The following BCKDHB variants were observed in gnomAD, a reference collection of about 807,000 sequenced individuals.
BCKDHB encodes the protein branched chain keto acid dehydrogenase E1 subunit beta, also known as 2-oxoisovalerate dehydrogenase subunit beta, mitochondrial.
Under a neutral mutation model 48.5 loss-of-function variants are expected in BCKDHB, and 41 were observed. The ratio of observed to expected loss-of-function variants is 0.85; its 90% CI spans 0.66 to 1.10. The LOEUF (loss-of-function observed/expected upper bound fraction) is 1.10. BCKDHB is among the 50% of genes least tolerant of loss of function. The pLI is 0.00. For missense variants in BCKDHB, 496 were observed against 494.2 expected (o/e 1.00, Z -0.03); for synonymous variants, 201 against 174.8 (o/e 1.15, Z -1.18).
intron 8 of BCKDHB, among the ~76,000 whole-genome samples, chr6:80,269,382 A>G (rs935306628): frequency 5.9e-5 from 9 of 152,148 alleles, no homozygotes; most frequent in Admixed American, 3.9e-4. Flanking sequence ...CGAGCCTTTC[A>G]GGACTGTTTT....
intron 9 of BCKDHB, among the ~76,000 whole-genome samples, chr6:80,317,825 C>T (rs1768526954): frequency 6.6e-6 from 1 of 152,192 alleles, no homozygotes; most frequent in Non-Finnish European, 1.5e-5. Context: ...AGGATATAGT[C>T]ATTTTAAAAA....
intron 8 of BCKDHB, among the ~76,000 whole-genome samples, chr6:80,263,517 C>G (rs1018409052): frequency 9.9e-5 from 15 of 151,226 alleles, no homozygotes; most frequent in Middle Eastern, 6.8e-3. Flanking sequence ...TGAGTCATAC[C>G]CAAAAACCCA....
chr6:80,117,962 A>C (rs900309053), intron 1 of BCKDHB, among the ~76,000 whole-genome samples: 1 of 152,076 alleles, frequency 6.6e-6, no homozygotes. Flanking sequence ...GTGTCAGTAC[A>C]TTTTTATTCT....
chr6:80,262,056 T>C (rs1777329960), intron 8 of BCKDHB, among the ~76,000 whole-genome samples: 1 of 152,178 alleles, frequency 6.6e-6, no homozygotes. Context: ...ATCTCTGGTG[T>C]AGAAGCTCTG....
intron 3 of BCKDHB, among the ~76,000 whole-genome samples, chr6:80,154,532 G>T (rs1771944724): frequency 6.6e-6 from 1 of 152,060 alleles, no homozygotes; most frequent in Non-Finnish European, 1.5e-5. Context: ...TTCATCTTAA[G>T]ATAATTTCAT....
intron 9 of BCKDHB, among the ~76,000 whole-genome samples, chr6:80,315,189 G>C (rs1470224756): frequency 6.6e-6 from 1 of 152,180 alleles, no homozygotes; most frequent in South Asian, 2.1e-4. Flanking sequence ...CCCGGGGCCA[G>C]AGTATGTAAA....
At chr6:80,165,318 T>C (rs1407591603) in intron 3 of BCKDHB, among the ~76,000 whole-genome samples, 1 of 152,142 alleles carries the variant, frequency 6.6e-6, no homozygotes, top group African/African-American at 2.4e-5. Flanking sequence ...TGATGAGGAA[T>C]AGAGGTCACA....
chr6:80,192,396 C>A (rs932696076), intron 6 of BCKDHB, among the ~76,000 whole-genome samples: 2 of 151,928 alleles, frequency 1.3e-5, no homozygotes, highest in Non-Finnish European at 2.9e-5. Flanking sequence ...AAAATTGACA[C>A]CCTATGAACA....
At chr6:80,325,393 T>C (rs1217971411) in intron 9 of BCKDHB, among the ~76,000 whole-genome samples, 1 of 152,192 alleles carries the variant, frequency 6.6e-6, no homozygotes, top group Non-Finnish European at 1.5e-5. Context: ...ATGTAATTGC[T>C]AGGTATGTCA....
chr6:80,312,749 T>C (rs1047293497), intron 9 of BCKDHB, among the ~76,000 whole-genome samples: 24 of 152,250 alleles, frequency 1.6e-4, no homozygotes, highest in African/African-American at 5.3e-4. Flanking sequence ...TTTGCATATG[T>C]TGAACCAACC....
At chr6:80,276,934 A>T (rs1777990584) in intron 9 of BCKDHB, among the ~76,000 whole-genome samples, 1 of 152,050 alleles carries the variant, frequency 6.6e-6, no homozygotes, top group Non-Finnish European at 1.5e-5. Flanking sequence ...TAATTTGGAA[A>T]TTAACTGGAA....
chr6:80,368,543 A>G, the BCKDHB span, among the ~76,000 whole-genome samples: 1 of 152,184 alleles, frequency 6.6e-6, no homozygotes, highest in African/African-American at 2.4e-5. Context: ...CTTCTACCTA[A>G]CATTAATTAA....
chr6:80,227,435 G>A (rs1272947830), intron 8 of BCKDHB, among the ~76,000 whole-genome samples: 1 of 152,034 alleles, frequency 6.6e-6, no homozygotes, highest in South Asian at 2.1e-4. Flanking sequence ...TCTCTTTAGG[G>A]CTTTTTTACT....
At chr6:80,372,837 T>A in the BCKDHB span, among the ~76,000 whole-genome samples, 1 of 152,218 alleles carries the variant, frequency 6.6e-6, no homozygotes, top group Non-Finnish European at 1.5e-5. Flanking sequence ...GATTTGATGT[T>A]GGATTCAGTT....
At chr6:80,447,520 A>G in the BCKDHB span, among the ~76,000 whole-genome samples, 1 of 151,258 alleles carries the variant, frequency 6.6e-6, no homozygotes, top group Non-Finnish European at 1.5e-5. Flanking sequence ...ATGTAGATAT[A>G]TACACATTAT....
intron 1 of BCKDHB, among the ~76,000 whole-genome samples, chr6:80,116,281 G>A (rs1399545340): frequency 6.6e-6 from 1 of 152,186 alleles, no homozygotes; most frequent in Non-Finnish European, 1.5e-5. Context: ...CCTGCAGTTT[G>A]TCTTTGAATG....
At chr6:80,127,283 T>G (rs1770393908) in intron 1 of BCKDHB, 2 of 418,092 alleles carry the variant, frequency 4.8e-6, no homozygotes, top group African/African-American at 2.0e-5. Flanking sequence ...TCTACACGCA[T>G]TTAGTCACTT....
rs535931183 is a variant in BCKDHB, at chr6:80,122,422, G to T, written c.197-5125G>T. On this transcript the variant is annotated intron_variant, in intron 1 of 9. Transcript: ENST00000320393. ...ATTGATTGGAATAGTTCCAGAAGGT[G>T]TCGGGGGAACCCACCCCCAATATTT... is the stretch of plus-strand genomic sequence containing the variant. 3.8e-4 allele frequency among the ~76,000 whole-genome samples: 58 copies of T among 152,118 alleles called. 1 individual carries two copies. Among genetic ancestry groups the T allele is most frequent in the African/African-American group, 1.2e-3 (49 of 41,520 alleles).
chr6:80,210,260 C>T (rs7771449), intron 8 of BCKDHB, among the ~76,000 whole-genome samples: 55,168 of 151,492 alleles, frequency 0.36, 11,953 homozygotes, highest in East Asian at 0.56. Context: ...TATTGTTCAG[C>T]GATGAGAATA....
Sources: gnomAD v4.1 joint callset for allele counts (sites outside exome capture counted in the v4.1 genomes callset) on GRCh38, gnomAD v4.1.1 for gene constraint, MANE v1.5 for transcripts, NCBI Gene and HGNC (gene_info 2026-07-23, HGNC 2026-07-21) for gene names.